Variants in EYS observed in about 807,000 individuals in gnomAD.
EYS encodes EGF-like photoreceptor maintenance factor.
EYS carries 250 observed loss-of-function variants against 282.1 expected under a neutral mutation model. The observed-to-expected ratio is 0.89, with a 90% confidence interval of 0.80 to 0.98. EYS has a LOEUF of 0.98. Among genes scored for constraint, EYS ranks in the 50% least tolerant of loss-of-function variants. The pLI, the probability that EYS is intolerant of heterozygous loss-of-function variation, is 0.00. For synonymous variants in EYS, 1,355 were observed against 1,282.9 expected (o/e 1.06, Z -1.20); for missense variants, 4,016 against 3,709.0 (o/e 1.08, Z -2.15).
At chr6:65,053,919 C>T (rs1177383368) in intron 13 of EYS, among the ~76,000 whole-genome samples, 1 of 151,880 alleles carries the variant, frequency 6.6e-6, no homozygotes, top group Non-Finnish European at 1.5e-5. Context: ...TCTGGAGTTA[C>T]ATTGTTTATG....
intron 12 of EYS, among the ~76,000 whole-genome samples, chr6:65,212,770 T>TA (rs1288701655): frequency 6.6e-6 from 1 of 152,114 alleles, no homozygotes; most frequent in African/African-American, 2.4e-5. Flanking sequence ...GAGGACATGT[T>TA]AAAAAATTCA....
rs1044440055 is a variant in EYS, at chr6:63,807,056, G to A, written c.7229-684C>T. 2.6e-5 allele frequency among the ~76,000 whole-genome samples: 4 copies of A among 151,976 alleles called. No individual in the cohort carries two copies. The South Asian group carries it at 8.3e-4, about 32-fold the overall frequency. On this transcript the variant is annotated intron_variant, in intron 36 of 42. Coordinates refer to ENST00000503581, the MANE Select transcript of EYS (RefSeq NM_001142800.2). ...TGGTAAAATTAGATGAAGTTCAAGG[G>A]CCAGTGTGAACAAAATAGAATTTAA...
At chr6:64,306,876 G>C (rs759720667) in intron 30 of EYS, 94 bp downstream of exon 30, 111 of 694,072 alleles carry the variant, frequency 1.6e-4, no homozygotes, top group Non-Finnish European at 2.6e-4. Context: ...ACGAAATATA[G>C]TGCAGCCTTC....
chr6:65,130,367 C>T (rs1775835241), intron 12 of EYS, among the ~76,000 whole-genome samples: 1 of 151,822 alleles, frequency 6.6e-6, no homozygotes, highest in Non-Finnish European at 1.5e-5. Context: ...ATTAGCTTGC[C>T]CTTCCCATAC....
At chr6:64,137,364 A>G (rs1056037748) in intron 31 of EYS, among the ~76,000 whole-genome samples, 1 of 152,024 alleles carries the variant, frequency 6.6e-6, no homozygotes, top group Admixed American at 6.6e-5. Context: ...AGCACTTTTG[A>G]TTTCCTTCAA....
At chr6:64,033,093 C>T (rs1769938521) in intron 33 of EYS, among the ~76,000 whole-genome samples, 1 of 152,160 alleles carries the variant, frequency 6.6e-6, no homozygotes, top group Non-Finnish European at 1.5e-5. Context: ...AGAAGCTCTG[C>T]CAGGAGCTAG....
intron 22 of EYS, among the ~76,000 whole-genome samples, chr6:64,799,160 T>G (rs764763425): frequency 1.1e-4 from 17 of 151,926 alleles, no homozygotes; most frequent in Non-Finnish European, 2.2e-4. Context: ...CAAGTCTCCA[T>G]CCTACCCCAC....
At chr6:64,389,796 G>C (rs983624177) in intron 28 of EYS, among the ~76,000 whole-genome samples, 9 of 152,232 alleles carry the variant, frequency 5.9e-5, no homozygotes, top group Admixed American at 5.2e-4. Flanking sequence ...GAACAGCTCC[G>C]GTCTACAGCT....
At chr6:64,498,865 T>C (rs553663992) in intron 26 of EYS, among the ~76,000 whole-genome samples, 1 of 152,324 alleles carries the variant, frequency 6.6e-6, no homozygotes, top group South Asian at 2.1e-4. Context: ...CAGTCTATCA[T>C]TAGTGGGCAC....
At chr6:64,333,294 C>T (rs1299829866) in intron 29 of EYS, among the ~76,000 whole-genome samples, 2 of 152,112 alleles carry the variant, frequency 1.3e-5, no homozygotes, top group Non-Finnish European at 2.9e-5. Flanking sequence ...GAAGTATTCC[C>T]TTACTCAAAT....
Position 63,984,470 on chromosome 6 carries a change from T to C in EYS, c.6968A>G (p.Asp2323Gly). Residue 2323 changes from aspartate to glycine, a missense_variant, in exon 35 of 43, where the codon GAT becomes GGT. Asp to Gly is a moderately conservative substitution (Grantham distance 94). Transcript: ENST00000503581. Reference sequence around the variant, plus strand: ...AATATTCTTTCCATGTCGTGCTTCATCGATGATGAAGAATTCTTTGTTGTT... The same window carrying C: ...AATATTCTTTCCATGTCGTGCTTCACCGATGATGAAGAATTCTTTGTTGTT... Reference protein sequence around the residue: ...QVNNKEFFIIDEARHGKNIEN... With the variant: ...QVNNKEFFIIGEARHGKNIEN... 6.5e-7 allele frequency: 1 copy of C among 1,549,762 alleles called. No individual in the cohort carries two copies. The highest frequency in any genetic ancestry group is 2.4e-5 in the East Asian group (1 of 40,844).
At chr6:64,295,396 GAAGAGGAAGGAGAGGA>G (rs1258366081) in intron 30 of EYS, among the ~76,000 whole-genome samples, 32 of 140 alleles carry the variant, frequency 0.23, 5 homozygotes, top group African/African-American at 0.54. Context: ...GAAGGAAGAA[GAAGAGGAAGGAGAGGA>G]AAGAAGAAGA....
intron 13 of EYS, among the ~76,000 whole-genome samples, chr6:65,021,294 C>A (rs1481905941): frequency 6.6e-6 from 1 of 152,184 alleles, no homozygotes; most frequent in Non-Finnish European, 1.5e-5. Context: ...TATCCTAAAT[C>A]ATCTCTCTCA....
At chr6:64,859,113 G>T (rs2150047088) in intron 19 of EYS, among the ~76,000 whole-genome samples, 1 of 151,596 alleles carries the variant, frequency 6.6e-6, no homozygotes, top group Middle Eastern at 3.4e-3. Flanking sequence ...TATTAGAACT[G>T]ATAAATGCAC....
chr6:65,180,272 G>C (rs1459476868), intron 12 of EYS, among the ~76,000 whole-genome samples: 2 of 151,666 alleles, frequency 1.3e-5, no homozygotes, highest in East Asian at 3.9e-4. Flanking sequence ...AATTGTCCCT[G>C]TTTGCAGATG....
chr6:64,175,255 T>C (rs978374588), intron 31 of EYS, among the ~76,000 whole-genome samples: 1 of 152,176 alleles, frequency 6.6e-6, no homozygotes, highest in South Asian at 2.1e-4. Flanking sequence ...ATTTATTCAA[T>C]AAATAAATAG....
At chr6:65,636,272 C>T (rs1191863811) in intron 2 of EYS, among the ~76,000 whole-genome samples, 1 of 152,188 alleles carries the variant, frequency 6.6e-6, no homozygotes, top group South Asian at 2.1e-4. Flanking sequence ...AAATGTTTTG[C>T]AGTCAGTCCC....
chr6:64,103,237 C>A (rs1485799017), intron 31 of EYS, among the ~76,000 whole-genome samples: 1 of 151,854 alleles, frequency 6.6e-6, no homozygotes, highest in Non-Finnish European at 1.5e-5. Context: ...AACTTACCAG[C>A]AAAAGAAAAA....
chr6:65,324,472 G>A (rs1179948907), intron 11 of EYS, among the ~76,000 whole-genome samples: 1 of 152,188 alleles, frequency 6.6e-6, no homozygotes, highest in Non-Finnish European at 1.5e-5. Context: ...GGAACATACA[G>A]TGAAACACCG....
Sources: allele counts gnomAD v4.1 joint callset (sites outside exome capture counted in the v4.1 genomes callset), GRCh38; gene constraint gnomAD v4.1.1; transcripts MANE v1.5; gene names NCBI Gene and HGNC (gene_info 2026-07-23, HGNC 2026-07-21).